The following ADAMTSL3 variants were observed in gnomAD, a reference collection of about 807,000 sequenced individuals.
ADAMTSL3 encodes ADAMTS-like protein 3.
Under a neutral mutation model 201.7 loss-of-function variants are expected in ADAMTSL3, and 128 were observed. The ratio of observed to expected loss-of-function variants is 0.63; its 90% CI spans 0.55 to 0.73. The LOEUF is 0.73. Ranked by LOEUF, ADAMTSL3 falls within the 30% of genes least tolerant of loss-of-function variation. The pLI is 0.00. For missense variants in ADAMTSL3, 1,990 were observed against 2,119.6 expected (o/e 0.94, Z 1.20); for synonymous variants, 738 against 748.4 (o/e 0.99, Z 0.23).
intron 19 of ADAMTSL3, among the ~76,000 whole-genome samples, chr15:83,965,096 A>G (rs1166088017): frequency 6.6e-6 from 1 of 152,206 alleles, no homozygotes; most frequent in Non-Finnish European, 1.5e-5. Context: ...TGTCAACACT[A>G]TGAAGAAACT....
chr15:83,984,163 A>G (rs2067435753), intron 21 of ADAMTSL3, among the ~76,000 whole-genome samples: 2 of 152,206 alleles, frequency 1.3e-5, no homozygotes, highest in East Asian at 1.9e-4. Flanking sequence ...ACAAAGTACT[A>G]TAGACATTGT....
intron 3 of ADAMTSL3, among the ~76,000 whole-genome samples, chr15:83,707,515 A>G (rs1041843639): frequency 6.6e-5 from 10 of 152,168 alleles, no homozygotes; most frequent in African/African-American, 2.2e-4. Flanking sequence ...ATTTTTAAGT[A>G]TTTTTACACC....
chr15:83,867,515 C>T (rs892516258), intron 8 of ADAMTSL3, among the ~76,000 whole-genome samples: 1 of 152,148 alleles, frequency 6.6e-6, no homozygotes, highest in Admixed American at 6.5e-5. Flanking sequence ...CAAAAACCTC[C>T]AATTCAGTTG....
chr15:83,695,184 ATGATAT>A (rs2061665377), intron 2 of ADAMTSL3, among the ~76,000 whole-genome samples: 1 of 71,702 alleles, frequency 1.4e-5, no homozygotes, highest in Non-Finnish European at 2.9e-5. Flanking sequence ...TGTGATGTGC[ATGATAT>A]GTGCATGATA....
At chr15:83,917,489 A>G (rs1032710598) in intron 16 of ADAMTSL3, among the ~76,000 whole-genome samples, 4 of 152,258 alleles carry the variant, frequency 2.6e-5, no homozygotes, top group Non-Finnish European at 5.9e-5. Flanking sequence ...ATGCAGCAGT[A>G]TCTGTGTGTG....
rs762414209 is a variant in ADAMTSL3, at chr15:83,970,548, A to G, written c.2555A>G (p.Lys852Arg). 70 of 1,614,114 alleles carry G rather than the reference A, an allele frequency of 4.3e-5. No homozygotes were observed. Among genetic ancestry groups the G allele is most frequent in the Non-Finnish European group, 5.6e-5 (66 of 1,180,050 alleles). The change falls in exon 20 of 30, where the codon AAA becomes AGA. Residue 852 changes from lysine to arginine, a missense_variant. Lys to Arg is a conservative substitution (Grantham distance 26). Transcript: ENST00000286744. ...RKQVCQRLAA[K>R]GRRIPLSEMM... Reference sequence around the variant, plus strand: ...CAGGTGTGTCAAAGGCTGGCAGCCAAAGGTCGGCGCATCCCCCTCAGTGAG... The same window carrying G: ...CAGGTGTGTCAAAGGCTGGCAGCCAGAGGTCGGCGCATCCCCCTCAGTGAG...
chr15:84,008,621 T>C (rs2067942573), intron 23 of ADAMTSL3, among the ~76,000 whole-genome samples: 1 of 152,112 alleles, frequency 6.6e-6, no homozygotes. Flanking sequence ...ATATACTCTC[T>C]CCCTATTGGT....
rs1389502859 is a variant in ADAMTSL3 at position 84,033,478 on chromosome 15, A to T, written c.4754+2046A>T. Among the ~76,000 whole-genome samples the T allele has an allele frequency of 2.6e-5, 4 of 152,090 alleles. No homozygotes were observed. The South Asian group carries it at 6.2e-4, about 24-fold the overall frequency. ...GAGTTTGAGACCAGCCTGCCAACAT[A>T]GTGAAACCCTGTCTCTACTAAAAAT... On this transcript the variant is annotated intron_variant, in intron 28 of 29. Coordinates refer to ENST00000286744, the MANE Select transcript of ADAMTSL3 (RefSeq NM_207517.3).
intron 27 of ADAMTSL3, 66 bp from the exon 28 acceptor site, chr15:84,031,269 G>T: frequency 6.7e-7 from 1 of 1,495,498 alleles, no homozygotes; most frequent in South Asian, 1.1e-5. Flanking sequence ...CTCAGTACAT[G>T]ATCTTAGTAC....
intron 3 of ADAMTSL3, among the ~76,000 whole-genome samples, chr15:83,762,854 A>G (rs1272910578): frequency 6.6e-6 from 1 of 151,390 alleles, no homozygotes; most frequent in Non-Finnish European, 1.5e-5. Flanking sequence ...GAAGAATCTT[A>G]TATCAGTTAT....
chr15:83,712,880 A>G (rs1444317775), intron 3 of ADAMTSL3, among the ~76,000 whole-genome samples: 2 of 151,782 alleles, frequency 1.3e-5, no homozygotes, highest in East Asian at 3.9e-4. Flanking sequence ...TCTTCAAACT[A>G]CTCTGCCTTA....
intron 2 of ADAMTSL3, among the ~76,000 whole-genome samples, chr15:83,658,356 A>G (rs1044846074): frequency 2.0e-5 from 3 of 152,126 alleles, no homozygotes; most frequent in African/African-American, 7.2e-5. Context: ...TGATCTGCCC[A>G]CCTCGGCCTC....
chr15:83,713,380 C>A (rs940324304), intron 3 of ADAMTSL3, among the ~76,000 whole-genome samples: 2 of 152,136 alleles, frequency 1.3e-5, no homozygotes, highest in Admixed American at 6.5e-5. Flanking sequence ...TCTGTTGTGG[C>A]CTGTCCTCCT....
intron 23 of ADAMTSL3, among the ~76,000 whole-genome samples, chr15:83,996,103 C>A (rs1032103253): frequency 5.3e-5 from 8 of 151,958 alleles, no homozygotes; most frequent in Admixed American, 2.0e-4. Context: ...GATTTAAGTG[C>A]CTAAAATATG....
intron 2 of ADAMTSL3, among the ~76,000 whole-genome samples, chr15:83,680,612 A>G (rs539928985): frequency 1.2e-4 from 18 of 151,178 alleles, no homozygotes; most frequent in African/African-American, 3.4e-4. Context: ...AAGAACATCA[A>G]TTTTCCATAT....
chr15:83,782,303 C>T (rs1168363593), intron 4 of ADAMTSL3, among the ~76,000 whole-genome samples: 5 of 151,980 alleles, frequency 3.3e-5, no homozygotes, highest in African/African-American at 1.2e-4. Flanking sequence ...ATGGTGAAAC[C>T]ACATCTCTAC....
At chr15:83,995,921 A>G (rs1201690932) in intron 23 of ADAMTSL3, among the ~76,000 whole-genome samples, 1 of 152,212 alleles carries the variant, frequency 6.6e-6, no homozygotes, top group Non-Finnish European at 1.5e-5. Context: ...AGGGATAGAC[A>G]AATAAATGGA....
At chr15:83,803,863 C>A (rs146659011) in intron 4 of ADAMTSL3, among the ~76,000 whole-genome samples, 1 of 152,192 alleles carries the variant, frequency 6.6e-6, no homozygotes, top group African/African-American at 2.4e-5. Context: ...ACAAAATAGA[C>A]CGGCTGCAGT....
At chr15:83,973,343 C>A (rs1470546604) in intron 20 of ADAMTSL3, among the ~76,000 whole-genome samples, 2 of 152,150 alleles carry the variant, frequency 1.3e-5, no homozygotes, top group Admixed American at 1.3e-4. Context: ...GCACTAGAAA[C>A]CTTAGCCGGC....
Sources: allele counts gnomAD v4.1 joint callset (sites outside exome capture counted in the v4.1 genomes callset), GRCh38; gene constraint gnomAD v4.1.1; transcripts MANE v1.5; gene names NCBI Gene and HGNC (gene_info 2026-07-23, HGNC 2026-07-21).